Variants in CLASP2 observed in about 807,000 individuals in gnomAD.
The protein encoded by CLASP2 is cytoplasmic linker associated protein 2.
CLASP2 carries 47 observed loss-of-function variants against 194.4 expected under a neutral mutation model. That is an observed-to-expected ratio of 0.24 (90% CI 0.19 to 0.31). The LOEUF is 0.31. CLASP2 is among the 10% of genes least tolerant of loss of function. The pLI is 1.00. For missense variants in CLASP2, 1,445 were observed against 1,823.6 expected, an observed-to-expected ratio of 0.79 and a Z score of 3.78; for synonymous variants, 619 against 633.5, an observed-to-expected ratio of 0.98 and a Z score of 0.34.
At chr3:33,546,964 G>T (rs550849808) in intron 30 of CLASP2, among the ~76,000 whole-genome samples, 37 of 152,298 alleles carry the variant, frequency 2.4e-4, no homozygotes, top group African/African-American at 7.2e-4. Flanking sequence ...AGTTCATGAA[G>T]ATTTATTCCT....
intron 18 of CLASP2, chr3:33,602,592 T>C (rs1487513325): frequency 3.9e-6 from 3 of 760,284 alleles, no homozygotes; most frequent in Admixed American, 1.7e-5. Flanking sequence ...TTCACATTCT[T>C]GGTAAGAGAA....
intron 16 of CLASP2, among the ~76,000 whole-genome samples, chr3:33,604,461 T>G (rs923547292): frequency 6.6e-6 from 1 of 151,936 alleles, no homozygotes; most frequent in Non-Finnish European, 1.5e-5. Flanking sequence ...TGGGACTATA[T>G]GTGCCTGCCA....
chr3:33,705,442 G>A (rs538773998), intron 1 of CLASP2, among the ~76,000 whole-genome samples: 141 of 152,216 alleles, frequency 9.3e-4, no homozygotes, highest in African/African-American at 3.2e-3. Context: ...TTCTTTTGGA[G>A]GTGATGAAAA....
intron 30 of CLASP2, among the ~76,000 whole-genome samples, chr3:33,549,253 T>C (rs1364373603): frequency 6.6e-6 from 1 of 152,234 alleles, no homozygotes; most frequent in Admixed American, 6.5e-5. Flanking sequence ...GATTACATCC[T>C]TCCTTTTGCT....
chr3:33,504,212 T>C (rs1329592676), intron 37 of CLASP2: 3 of 152,248 alleles, frequency 2.0e-5, no homozygotes, highest in Non-Finnish European at 4.4e-5. Context: ...TTATTTATCA[T>C]TGATGCTTTA....
At chr3:33,688,399 A>G in intron 3 of CLASP2, 31 bp from the exon 4 acceptor site, 1 of 1,426,426 alleles carries the variant, frequency 7.0e-7, no homozygotes, top group Non-Finnish European at 9.6e-7. Flanking sequence ...AACGTATAAC[A>G]AAAAACTAAA....
At position 33,623,501 on chromosome 3, in the gene CLASP2, C is replaced by T. The variant is rs1408596655; in HGVS notation, c.1036-1221G>A. 2.0e-5 allele frequency among the ~76,000 whole-genome samples: 3 copies of T among 151,832 alleles called. No homozygotes were observed. In the East Asian group the frequency reaches 5.8e-4, roughly 29 times the overall value. On this transcript the variant is annotated intron_variant, in intron 10 of 38. Transcript: ENST00000682230. ...AGTTCAATTTTTTTTTTTTTAGGTC[C>T]CACATATTAGTGAGAACATGCAATC...
intron 23 of CLASP2, chr3:33,576,491 C>T (rs775547828): frequency 2.0e-4 from 97 of 490,158 alleles, no homozygotes; most frequent in Admixed American, 3.2e-4. Context: ...AAATAAAGAA[C>T]GGTCACTATT....
intron 21 of CLASP2, chr3:33,588,855 A>G (rs1183461945): frequency 1.6e-6 from 1 of 614,306 alleles, no homozygotes; most frequent in African/African-American, 1.9e-5. Context: ...AAATTAAAAA[A>G]CCCTAAGGCA....
intron 25 of CLASP2, 108 bp downstream of exon 25, chr3:33,573,002 C>G: frequency 7.8e-7 from 1 of 1,277,678 alleles, no homozygotes; most frequent in Non-Finnish European, 1.1e-6. Context: ...CATATGAATT[C>G]AGGACAAGTC....
chr3:33,680,828 C>T (rs894151609), intron 6 of CLASP2, among the ~76,000 whole-genome samples: 2 of 151,320 alleles, frequency 1.3e-5, no homozygotes, highest in Non-Finnish European at 2.9e-5. Context: ...AAATTAAAAT[C>T]TATTTAAGAA....
At chr3:33,602,193 T>C (rs192933613) in intron 18 of CLASP2, among the ~76,000 whole-genome samples, 3 of 152,162 alleles carry the variant, frequency 2.0e-5, no homozygotes, top group Non-Finnish European at 4.4e-5. Flanking sequence ...TTTGCATTTT[T>C]AGTAGAGATA....
At chr3:33,670,594 G>A (rs975391745) in intron 6 of CLASP2, among the ~76,000 whole-genome samples, 8 of 152,236 alleles carry the variant, frequency 5.3e-5, no homozygotes, top group Admixed American at 1.3e-4. Context: ...GCAAACCGCC[G>A]CACCAAAAAT....
chr3:33,696,193 T>C (rs2091880360), intron 2 of CLASP2, among the ~76,000 whole-genome samples: 1 of 151,966 alleles, frequency 6.6e-6, no homozygotes, highest in Admixed American at 6.5e-5. Flanking sequence ...TATAATTTAT[T>C]CTTATTGTAT....
At chr3:33,521,179 C>T (rs2052972639) in intron 34 of CLASP2, among the ~76,000 whole-genome samples, 1 of 151,884 alleles carries the variant, frequency 6.6e-6, no homozygotes, top group Non-Finnish European at 1.5e-5. Flanking sequence ...CCTACTGTTA[C>T]AAAAATGTAT....
intron 14 of CLASP2, among the ~76,000 whole-genome samples, chr3:33,607,969 T>C (rs1288271226): frequency 6.6e-6 from 1 of 152,190 alleles, no homozygotes; most frequent in African/African-American, 2.4e-5. Flanking sequence ...AGAATTTCCA[T>C]GAAAATGAAA....
In CLASP2 at chr3:33,577,409, G is replaced by A. The variant is rs1351396632; in HGVS notation, c.2348-1134C>T. On this transcript the variant is annotated intron_variant, in intron 23 of 38. Transcript: ENST00000682230. ...CAGAGTATTGCCAAATAGGGCAATG[G>A]AACATTAGCATTGCACCATCATTCC... 1.2e-5 allele frequency: 7 copies of A among 594,210 alleles called. No individual in the cohort carries two copies. In the Admixed American group the frequency reaches 2.2e-4, roughly 19 times the overall value. The allele number at this position is 594,210 out of a possible 1,614,324, so 36.8% of individuals were successfully genotyped here.
chr3:33,683,822 C>G (rs1468813766), intron 6 of CLASP2, among the ~76,000 whole-genome samples: 1 of 151,348 alleles, frequency 6.6e-6, no homozygotes, highest in African/African-American at 2.4e-5. Context: ...TGCCTGTAGT[C>G]CCAGCTACTT....
At chr3:33,667,894 A>G (rs182082826) in intron 6 of CLASP2, among the ~76,000 whole-genome samples, 166 of 152,246 alleles carry the variant, frequency 1.1e-3, no homozygotes, top group African/African-American at 3.9e-3. Context: ...AAAATATTTG[A>G]TAGAAAAAAA....
Sources: allele counts gnomAD v4.1 joint callset (sites outside exome capture counted in the v4.1 genomes callset), GRCh38; gene constraint gnomAD v4.1.1; transcripts MANE v1.5; gene names NCBI Gene and HGNC (gene_info 2026-07-23, HGNC 2026-07-21).